Variants in FSTL4 observed in about 807,000 individuals in gnomAD.
FSTL4 encodes follistatin-related protein 4.
A neutral mutation model predicts 78.2 loss-of-function variants in FSTL4; 28 were observed. The observed-to-expected ratio is 0.36, with a 90% CI of 0.27 to 0.49. The LOEUF (loss-of-function observed/expected upper bound fraction) is 0.49. Among genes scored for constraint, FSTL4 ranks in the 20% least tolerant of loss-of-function variants. FSTL4 has a pLI of 0.98. For missense variants in FSTL4, 922 were observed against 1,084.9 expected, an observed-to-expected ratio of 0.85 and a Z score of 2.11; for synonymous variants, 422 against 440.5, an observed-to-expected ratio of 0.96 and a Z score of 0.53.
At chr5:133,318,414 A>C (rs1193164620) in intron 4 of FSTL4, among the ~76,000 whole-genome samples, 1 of 152,110 alleles carries the variant, frequency 6.6e-6, no homozygotes, top group Non-Finnish European at 1.5e-5. Context: ...GAAGAGGAGG[A>C]ATAGTTTTGC....
intron 6 of FSTL4, among the ~76,000 whole-genome samples, chr5:133,294,258 CCTGT>C (rs1403366523): frequency 6.6e-5 from 10 of 152,192 alleles, no homozygotes; most frequent in Non-Finnish European, 1.3e-4. Context: ...TCATGGTCAA[CCTGT>C]CTGTGTTGGA....
the FSTL4 span, among the ~76,000 whole-genome samples, chr5:133,636,958 G>A: frequency 6.6e-6 from 1 of 152,168 alleles, no homozygotes; most frequent in African/African-American, 2.4e-5. Context: ...CTTATTCATG[G>A]TTACACAGCT....
chr5:133,687,107 C>T, the FSTL4 span, among the ~76,000 whole-genome samples: 1 of 152,112 alleles, frequency 6.6e-6, no homozygotes, highest in African/African-American at 2.4e-5. Flanking sequence ...AGCCTGTGGC[C>T]CAGGGCAAGT....
intron 3 of FSTL4, among the ~76,000 whole-genome samples, chr5:133,420,037 T>A (rs2126986401): frequency 6.6e-6 from 1 of 152,312 alleles, no homozygotes; most frequent in East Asian, 1.9e-4. Context: ...CAAAACAAAC[T>A]GTGATATAGT....
At chr5:133,817,205 C>T in the FSTL4 span, among the ~76,000 whole-genome samples, 4 of 152,368 alleles carry the variant, frequency 2.6e-5, no homozygotes, top group African/African-American at 9.6e-5. Flanking sequence ...CTATTATCGT[C>T]CCCATTTAAT....
chr5:133,685,194 G>A, the FSTL4 span, among the ~76,000 whole-genome samples: 31 of 152,346 alleles, frequency 2.0e-4, no homozygotes, highest in African/African-American at 6.5e-4. Context: ...CTGGGGCTCA[G>A]CATCTCTCCT....
chr5:133,257,052 C>T (rs921373364), intron 6 of FSTL4, among the ~76,000 whole-genome samples: 9 of 152,226 alleles, frequency 5.9e-5, no homozygotes, highest in African/African-American at 2.2e-4. Context: ...ATCCCCAGCA[C>T]CTAATACAAT....
At position 133,213,043 on chromosome 5, in the gene FSTL4, C is replaced by T. The variant is rs186417506; in HGVS notation, c.1609-2745G>A. On this transcript the variant is annotated intron_variant, in intron 13 of 15. Transcript: ENST00000265342. ...TTTTTTTTTTTTTGAGACGGAGTCT[C>T]CCTTTGTCACCCAGGCTGGTGCAAT... Among the ~76,000 whole-genome samples, 295 of 149,646 alleles carry T rather than the reference C, an allele frequency of 2.0e-3. 1 individual carries two copies. The highest frequency in any genetic ancestry group is 7.0e-3 in the African/African-American group (285 of 40,762).
At chr5:133,309,412 G>C (rs1443203737) in intron 6 of FSTL4, among the ~76,000 whole-genome samples, 1 of 152,252 alleles carries the variant, frequency 6.6e-6, no homozygotes, top group Non-Finnish European at 1.5e-5. Flanking sequence ...TGTACAGAGA[G>C]AGGCAATTGG....
chr5:133,694,081 T>C, the FSTL4 span, among the ~76,000 whole-genome samples: 1 of 152,232 alleles, frequency 6.6e-6, no homozygotes, highest in African/African-American at 2.4e-5. Flanking sequence ...AAGCCTTACC[T>C]GAATTCTATG....
chr5:133,779,489 G>C, the FSTL4 span, among the ~76,000 whole-genome samples: 1 of 152,192 alleles, frequency 6.6e-6, no homozygotes, highest in African/African-American at 2.4e-5. Context: ...AGGAGGTTGA[G>C]GCAGGAGGAT....
chr5:133,629,693 A>C, the FSTL4 span, among the ~76,000 whole-genome samples: 1 of 152,246 alleles, frequency 6.6e-6, no homozygotes, highest in South Asian at 2.1e-4. Flanking sequence ...GACATAACAA[A>C]AAAAGAAAAT....
intron 7 of FSTL4, among the ~76,000 whole-genome samples, chr5:133,234,194 G>C (rs191067813): frequency 1.3e-5 from 2 of 152,310 alleles, no homozygotes; most frequent in Admixed American, 1.3e-4. Context: ...CAGGCTGCTT[G>C]CAGAGATCTT....
rs114331304 is a variant in FSTL4 at position 133,388,272 on chromosome 5, C to T, written c.409+12466G>A. On this transcript the variant is annotated intron_variant, in intron 4 of 15. Transcript: ENST00000265342. ...ACTTTTTTTCCCAGCCAAGAGTACA[C>T]GGATGGTGTATTATTTGAACCCTTG... Among the ~76,000 whole-genome samples the T allele has an allele frequency of 7.1e-3, 1,077 of 152,254 alleles. 8 individuals are homozygous for T. Among genetic ancestry groups the T allele is most frequent in the African/African-American group, 0.025 (1,022 of 41,540 alleles).
the FSTL4 span, among the ~76,000 whole-genome samples, chr5:133,745,352 GT>G: frequency 6.6e-6 from 1 of 152,228 alleles, no homozygotes; most frequent in African/African-American, 2.4e-5. Context: ...AAGGGCAAAA[GT>G]GAAAAGCCAC....
At chr5:133,228,722 A>G (rs1258558704) in intron 8 of FSTL4, among the ~76,000 whole-genome samples, 1 of 152,238 alleles carries the variant, frequency 6.6e-6, no homozygotes, top group Non-Finnish European at 1.5e-5. Flanking sequence ...AAATCCCTCA[A>G]TAAAATAGGA....
At chr5:133,590,492 G>A (rs549303904) in intron 2 of FSTL4, among the ~76,000 whole-genome samples, 115 of 152,216 alleles carry the variant, frequency 7.6e-4, no homozygotes, top group African/African-American at 2.7e-3. Flanking sequence ...TTGCTTGCTG[G>A]ATTTGGCAGG....
At chr5:133,742,310 C>A in the FSTL4 span, among the ~76,000 whole-genome samples, 1 of 152,210 alleles carries the variant, frequency 6.6e-6, no homozygotes, top group Non-Finnish European at 1.5e-5. Context: ...CCCCCAAACC[C>A]CAGCTTCCCA....
At chr5:133,675,802 G>T in the FSTL4 span, among the ~76,000 whole-genome samples, 2 of 152,308 alleles carry the variant, frequency 1.3e-5, no homozygotes, top group Middle Eastern at 6.8e-3. Flanking sequence ...AATTTCACCC[G>T]GGCAGATCTT....
Sources: allele counts gnomAD v4.1 joint callset (sites outside exome capture counted in the v4.1 genomes callset), GRCh38; gene constraint gnomAD v4.1.1; transcripts MANE v1.5; gene names NCBI Gene and HGNC (gene_info 2026-07-23, HGNC 2026-07-21).